The following HACD1 variants were observed in gnomAD, a reference collection of about 807,000 sequenced individuals.
The protein encoded by HACD1 is very-long-chain (3R)-3-hydroxyacyl-CoA dehydratase 1.
A neutral mutation model predicts 32.0 loss-of-function variants in HACD1; 41 were observed. The ratio of observed to expected loss-of-function variants is 1.28; its 90% CI spans 1.00 to 1.66. The LOEUF is 1.66. Ranked by LOEUF, HACD1 falls within the 40% of genes most tolerant of loss-of-function variation. The pLI is 0.00. For synonymous variants in HACD1, 142 were observed against 139.0 expected (o/e 1.02, Z -0.15); for missense variants, 396 against 380.1 (o/e 1.04, Z -0.35).
intron 4 of HACD1, chr10:17,602,888 T>C (rs1403114125): frequency 6.6e-6 from 1 of 152,148 alleles, no homozygotes; most frequent in Non-Finnish European, 1.5e-5. Flanking sequence ...CTAAATAAGA[T>C]ATAATTTTTT....
At chr10:17,605,029 G>C (rs1834125948) in intron 1 of HACD1, among the ~76,000 whole-genome samples, 1 of 152,124 alleles carries the variant, frequency 6.6e-6, no homozygotes, top group East Asian at 1.9e-4. Flanking sequence ...TTTATATGAG[G>C]TATACACAGG....
chr10:17,597,758 C>G lies in HACD1; in HGVS notation c.605+1532G>C, dbSNP rs1290976991. Among the ~76,000 whole-genome samples, 4 of 152,054 alleles carry G rather than the reference C, an allele frequency of 2.6e-5. No individual in the cohort carries two copies. In the East Asian group the frequency reaches 5.8e-4, roughly 22 times the overall value. On this transcript the variant is annotated intron_variant, in intron 5 of 6. Transcript: ENST00000361271. Reference sequence around the variant, plus strand: ...TCCAGCTACATTCAAAACTGCCAACCTTTAAAAAGCTCAGTCACTAAAGGT... The same window carrying G: ...TCCAGCTACATTCAAAACTGCCAACGTTTAAAAAGCTCAGTCACTAAAGGT...
intron 1 of HACD1, 59 bp downstream of exon 1, chr10:17,617,024 C>T: frequency 1.0e-5 from 14 of 1,348,752 alleles, no homozygotes; most frequent in Non-Finnish European, 1.3e-5. Flanking sequence ...CCCCTGAACC[C>T]GGAACCTCCG....
At chr10:17,591,976 A>AATTT (rs1833933560) in intron 6 of HACD1, among the ~76,000 whole-genome samples, 1 of 96,942 alleles carries the variant, frequency 1.0e-5, no homozygotes, top group African/African-American at 4.5e-5. Context: ...CCAGCTACTG[A>AATTT]TTTTTTTTTT....
intron 1 of HACD1, chr10:17,615,627 G>T (rs1833065032): frequency 6.1e-6 from 1 of 165,272 alleles, no homozygotes; most frequent in African/African-American, 2.4e-5. Flanking sequence ...TTTGAGACCA[G>T]CCTAGCCAAC....
intron 6 of HACD1, among the ~76,000 whole-genome samples, chr10:17,592,751 A>T (rs1347349906): frequency 6.6e-6 from 1 of 152,210 alleles, no homozygotes; most frequent in African/African-American, 2.4e-5. Flanking sequence ...TTGGGAAAAG[A>T]GAGGGATGTG....
intron 5 of HACD1, among the ~76,000 whole-genome samples, chr10:17,596,062 G>T (rs1833991688): frequency 6.6e-6 from 1 of 152,126 alleles, no homozygotes; most frequent in Non-Finnish European, 1.5e-5. Flanking sequence ...GATGGAAAAA[G>T]AAATCAAATT....
chr10:17,612,817 G>T lies in HACD1; in HGVS notation c.257+4266C>A, dbSNP rs185563282. 7.4e-3 allele frequency among the ~76,000 whole-genome samples: 1,122 copies of T among 151,906 alleles called. 4 individuals carry two copies. Among genetic ancestry groups the T allele is most frequent in the Non-Finnish European group, 0.013 (850 of 67,952 alleles). On this transcript the variant is annotated intron_variant, in intron 1 of 6. Coordinates refer to ENST00000361271, the MANE Select transcript of HACD1 (RefSeq NM_014241.4). ...GGCGCCAGTAGTCCCAGCTACTCAG[G>T]AGACTGAGGCAGGAGAATGGCGAGA...
Position 17,589,188 on chromosome 10 carries a change from T to A in HACD1, c.*1176A>T, listed in dbSNP as rs1490488844. ...ACAAAGGGATTATCATAACAATTGTTACAAGATAATTCTACAGTATAGAGA... is the reference window on the plus strand; with the variant it reads ...ACAAAGGGATTATCATAACAATTGTAACAAGATAATTCTACAGTATAGAGA... On this transcript the variant is annotated 3_prime_UTR_variant, in exon 7 of 7. Coordinates refer to ENST00000361271, the MANE Select transcript of HACD1 (RefSeq NM_014241.4). The A allele has an allele frequency of 6.6e-6, 1 of 152,198 alleles. No individual in the cohort carries two copies. Among genetic ancestry groups the A allele is most frequent in the African/African-American group, 2.4e-5 (1 of 41,454 alleles). The allele number at this position is 152,198 out of a possible 1,614,324, so 9.4% of individuals were successfully genotyped here. A position where few individuals can be genotyped will look rare whatever the true frequency, so the allele number is the denominator to read the frequency against.
chr10:17,606,709 T>A (rs555284754), intron 1 of HACD1, among the ~76,000 whole-genome samples: 2 of 152,194 alleles, frequency 1.3e-5, no homozygotes, highest in Non-Finnish European at 2.9e-5. Context: ...GTAAAAGCAA[T>A]GACTTGTTTA....
chr10:17,609,442 C>A (rs573245100), intron 1 of HACD1, among the ~76,000 whole-genome samples: 5 of 151,902 alleles, frequency 3.3e-5, no homozygotes, highest in African/African-American at 1.2e-4. Context: ...TGTGAGCCAC[C>A]GTGCCCAGCT....
Position 17,589,069 on chromosome 10 carries a change from C to G in HACD1, c.*1295G>C, listed in dbSNP as rs1385491193. 6.6e-6 allele frequency: 1 copy of G among 152,038 alleles called. No homozygotes were observed. The highest frequency in any genetic ancestry group is 2.4e-5 in the African/African-American group (1 of 41,390). 9.4% of individuals were successfully genotyped at this position (152,038 alleles called of 1,614,324 possible). ...TTTTTATTAAACACAAGGACAGGAA[C>G]TTTATTACAAGACCTTTTGCTATTC... On this transcript the variant is annotated 3_prime_UTR_variant, in exon 7 of 7. Transcript: ENST00000361271.
At chr10:17,616,174 C>T (rs1399944466) in intron 1 of HACD1, among the ~76,000 whole-genome samples, 1 of 151,606 alleles carries the variant, frequency 6.6e-6, no homozygotes, top group East Asian at 2.0e-4. Flanking sequence ...GAGGCTGAGG[C>T]AGAAGAAAGG....
chr10:17,605,118 G>A (rs868975389), intron 1 of HACD1, among the ~76,000 whole-genome samples: 6 of 152,302 alleles, frequency 3.9e-5, no homozygotes, highest in African/African-American at 4.8e-5. Context: ...AGGAGTTAGC[G>A]TTCACTGGGT....
intron 1 of HACD1, among the ~76,000 whole-genome samples, chr10:17,606,616 T>C (rs1390142335): frequency 6.6e-6 from 1 of 152,258 alleles, no homozygotes; most frequent in Non-Finnish European, 1.5e-5. Context: ...GCAAAGAATC[T>C]ACTAACTGAA....
At chr10:17,600,955 A>AT (rs1190637940) in intron 4 of HACD1, among the ~76,000 whole-genome samples, 1 of 152,004 alleles carries the variant, frequency 6.6e-6, no homozygotes, top group Non-Finnish European at 1.5e-5. Context: ...GAGGTGCATG[A>AT]TTAGCATTGT....
intron 1 of HACD1, among the ~76,000 whole-genome samples, chr10:17,616,805 T>TC (rs1262914264): frequency 6.6e-6 from 1 of 151,234 alleles, no homozygotes. Flanking sequence ...AGCAGCCACC[T>TC]CCCCCGCGGG....
chr10:17,599,464 G>A (rs1834039726), intron 4 of HACD1, 53 bp from the exon 5 acceptor site: 2 of 1,569,176 alleles, frequency 1.3e-6, no homozygotes, highest in African/African-American at 2.7e-5. Flanking sequence ...TTACTTTTCA[G>A]TGAAGGTACT....
chr10:17,593,235 T>C (rs1833951526), intron 6 of HACD1, among the ~76,000 whole-genome samples: 1 of 152,060 alleles, frequency 6.6e-6, no homozygotes. Flanking sequence ...GCATCTCCTT[T>C]AGATGAAATA....
Sources: allele counts gnomAD v4.1 joint callset (sites outside exome capture counted in the v4.1 genomes callset), GRCh38; gene constraint gnomAD v4.1.1; transcripts MANE v1.5; gene names NCBI Gene and HGNC (gene_info 2026-07-23, HGNC 2026-07-21).